SVOPL: variants seen among roughly 807,000 people sequenced by gnomAD.
SVOPL encodes the protein putative transporter SVOPL.
Under a neutral mutation model 61.0 loss-of-function variants are expected in SVOPL, and 60 were observed. That is an observed-to-expected ratio of 0.98 (90% CI 0.80 to 1.22). The LOEUF (loss-of-function observed/expected upper bound fraction) is 1.22, where lower values mean the gene tolerates loss of function less well. SVOPL is among the 50% of genes most tolerant of loss of function. The pLI, the probability that SVOPL is intolerant of heterozygous loss-of-function variation, is 0.00. For missense variants in SVOPL, 662 were observed against 643.9 expected (o/e 1.03, Z -0.30); for synonymous variants, 279 against 250.0 (o/e 1.12, Z -1.09).
At chr7:138,656,252 A>G (rs1490515843) in intron 7 of SVOPL, among the ~76,000 whole-genome samples, 196 bp downstream of exon 7, 1 of 152,248 alleles carries the variant, frequency 6.6e-6, no homozygotes, top group Non-Finnish European at 1.5e-5. Flanking sequence ...CTGCACACTT[A>G]CTAGACTTTA....
chr7:138,690,763 TC>T (rs879755449), intron 1 of SVOPL, among the ~76,000 whole-genome samples: 170 of 121,250 alleles, frequency 1.4e-3, no homozygotes, highest in Middle Eastern at 5.2e-3. Context: ...TGTACCCTTT[TC>T]TTTCTTTCTT....
At chr7:138,627,636 T>C (rs1799951926) in intron 11 of SVOPL, among the ~76,000 whole-genome samples, 175 bp from the exon 12 acceptor site, 1 of 152,204 alleles carries the variant, frequency 6.6e-6, no homozygotes, top group Admixed American at 6.5e-5. Context: ...TTTTTACATA[T>C]ACTTTACCCA....
At chr7:138,654,887 A>ATTTTTT (rs1563122657) in intron 7 of SVOPL, among the ~76,000 whole-genome samples, 2 of 93,966 alleles carry the variant, frequency 2.1e-5, no homozygotes, top group African/African-American at 1.1e-4. Context: ...TTTTTTTTTA[A>ATTTTTT]AAAAAAAAAG....
In SVOPL at chr7:138,678,947, T is replaced by G; in HGVS notation, c.82+17A>C. ...CTAAGCAGCAGGTTGAGCTGGAGAC[T>G]TCTATGATAATCTCACCTTTAACCT... On this transcript the variant is annotated intron_variant, in intron 2 of 15. Transcript: ENST00000674285. 2 of 1,550,632 alleles carry G rather than the reference T, an allele frequency of 1.3e-6. No homozygotes were observed. Among genetic ancestry groups the G allele is most frequent in the Non-Finnish European group, 1.7e-6 (2 of 1,146,372 alleles).
chr7:138,684,053 G>A (rs1023673479), intron 1 of SVOPL, among the ~76,000 whole-genome samples: 2 of 150,636 alleles, frequency 1.3e-5, no homozygotes, highest in African/African-American at 4.9e-5. Context: ...ACTCTATCTC[G>A]GCAGGGGGGC....
chr7:138,654,385 G>A (rs1035891235), intron 7 of SVOPL, among the ~76,000 whole-genome samples: 2 of 151,694 alleles, frequency 1.3e-5, no homozygotes, highest in African/African-American at 4.8e-5. Context: ...GTAAATCTAT[G>A]TATCAATAAA....
chr7:138,623,084 T>G (rs894603017), intron 13 of SVOPL, among the ~76,000 whole-genome samples: 1 of 152,198 alleles, frequency 6.6e-6, no homozygotes, highest in Non-Finnish European at 1.5e-5. Context: ...CACAGGACAC[T>G]GCTATATTTA....
At chr7:138,648,569 G>T (rs138395576) in intron 8 of SVOPL, among the ~76,000 whole-genome samples, 1 of 149,840 alleles carries the variant, frequency 6.7e-6, no homozygotes, top group South Asian at 2.1e-4. Flanking sequence ...TTAGTCAGGC[G>T]CGGTGGTGGG....
chr7:138,689,448 G>T (rs909597482), intron 1 of SVOPL: 1 of 1,123,900 alleles, frequency 8.9e-7, no homozygotes, highest in Non-Finnish European at 1.3e-6. Context: ...GGAACAGATT[G>T]TTCCTAAACC....
At chr7:138,690,950 A>T (rs542101468) in intron 1 of SVOPL, among the ~76,000 whole-genome samples, 81 of 151,910 alleles carry the variant, frequency 5.3e-4, no homozygotes, top group African/African-American at 1.8e-3. Context: ...TTTTTTTGTA[A>T]TTTTACTAGA....
At chr7:138,602,562 A>C (rs1165177189) in intron 14 of SVOPL, among the ~76,000 whole-genome samples, 1 of 151,676 alleles carries the variant, frequency 6.6e-6, no homozygotes, top group Non-Finnish European at 1.5e-5. Context: ...GTCTGACTCC[A>C]TCCGACATTT....
intron 10 of SVOPL, among the ~76,000 whole-genome samples, chr7:138,629,746 G>A (rs1800085754): frequency 6.6e-6 from 1 of 152,172 alleles, no homozygotes; most frequent in African/African-American, 2.4e-5. Flanking sequence ...CAAAGGACCA[G>A]TTTCTGTCAT....
intron 9 of SVOPL, among the ~76,000 whole-genome samples, chr7:138,643,249 AC>A (rs1191854693): frequency 1.3e-5 from 2 of 151,900 alleles, no homozygotes; most frequent in Non-Finnish European, 2.9e-5. Context: ...ACATGGTGAA[AC>A]CCCGTCTCTA....
chr7:138,605,327 G>A (rs1050483877), intron 14 of SVOPL, among the ~76,000 whole-genome samples: 9 of 151,952 alleles, frequency 5.9e-5, no homozygotes, highest in African/African-American at 2.2e-4. Context: ...AAGGAACAGA[G>A]TCTAGAGAGA....
At chr7:138,625,121 G>A (rs1799836877) in intron 13 of SVOPL, 1 of 152,116 alleles carries the variant, frequency 6.6e-6, no homozygotes, top group Non-Finnish European at 1.5e-5. Context: ...TTGCAAAAGA[G>A]GATTGATTTT....
chr7:138,666,758 T>C (rs1474290561), intron 4 of SVOPL, among the ~76,000 whole-genome samples: 1 of 152,194 alleles, frequency 6.6e-6, no homozygotes, highest in Non-Finnish European at 1.5e-5. Flanking sequence ...GCTAAAACCC[T>C]GCCCCAAAGT....
intron 2 of SVOPL, 65 bp from the exon 3 acceptor site, chr7:138,678,590 A>T (rs1489388530): frequency 6.9e-7 from 1 of 1,445,716 alleles, no homozygotes; most frequent in African/African-American, 1.4e-5. Flanking sequence ...GTGGACTATC[A>T]GCTTCAGAAA....
At chr7:138,677,387 C>T (rs1435885098) in intron 3 of SVOPL, among the ~76,000 whole-genome samples, 1 of 152,136 alleles carries the variant, frequency 6.6e-6, no homozygotes, top group Non-Finnish European at 1.5e-5. Context: ...GAGTCATGCC[C>T]TACAAACCAT....
chr7:138,611,909 T>A (rs1365094159), intron 14 of SVOPL, among the ~76,000 whole-genome samples: 2 of 22,072 alleles, frequency 9.1e-5, no homozygotes, highest in East Asian at 7.0e-4. Context: ...CAACAGCTCA[T>A]TGAGAACGGG....
Sources: gnomAD v4.1 joint callset for allele counts (sites outside exome capture counted in the v4.1 genomes callset) on GRCh38, gnomAD v4.1.1 for gene constraint, MANE v1.5 for transcripts, NCBI Gene and HGNC (gene_info 2026-07-23, HGNC 2026-07-21) for gene names.